Variants in ME1 observed in about 807,000 individuals in gnomAD.
The protein encoded by ME1 is malic enzyme 1.
ME1 carries 74 observed loss-of-function variants against 66.4 expected under a neutral mutation model. The ratio of observed to expected loss-of-function variants is 1.11; its 90% CI spans 0.92 to 1.35. ME1 has a LOEUF of 1.35. Among genes scored for constraint, ME1 ranks in the 40% most tolerant of loss-of-function variants. ME1 has a pLI of 0.00. For synonymous variants in ME1, 251 were observed against 235.6 expected (o/e 1.07, Z -0.60); for missense variants, 750 against 694.1 (o/e 1.08, Z -0.90).
At chr6:83,405,701 G>GT (rs1251931728) in intron 2 of ME1, among the ~76,000 whole-genome samples, 12 of 141,474 alleles carry the variant, frequency 8.5e-5, no homozygotes, top group Admixed American at 2.8e-4. Context: ...TTTATTGAGA[G>GT]TTTTTTTTGT....
chr6:83,381,180 C>A (rs1008846610), intron 3 of ME1, among the ~76,000 whole-genome samples: 1 of 151,908 alleles, frequency 6.6e-6, no homozygotes, highest in Admixed American at 6.6e-5. Context: ...CACTCCACCC[C>A]CACATTAATA....
At chr6:83,367,331 G>A (rs1769117165) in intron 3 of ME1, among the ~76,000 whole-genome samples, 1 of 152,082 alleles carries the variant, frequency 6.6e-6, no homozygotes, top group South Asian at 2.1e-4. Flanking sequence ...GTAGGTATTG[G>A]CTTCAACTTA....
rs188017394 is a variant in ME1, at chr6:83,409,413, T to C, written c.79-1512A>G. ...TAGTGGCTCTTGAGTACTTATAAAGTGTATTACTAGAGGGAAAGGAGAGAC... is the reference window on the plus strand; with the variant it reads ...TAGTGGCTCTTGAGTACTTATAAAGCGTATTACTAGAGGGAAAGGAGAGAC... On this transcript the variant is annotated intron_variant, in intron 1 of 13. Coordinates refer to ENST00000369705, the MANE Select transcript of ME1 (RefSeq NM_002395.6). Among the ~76,000 whole-genome samples, 16 of 152,230 alleles carry C rather than the reference T, an allele frequency of 1.1e-4. No homozygotes were observed. In the East Asian group the frequency reaches 3.1e-3, roughly 29 times the overall value.
rs1789901774 is a variant in ME1 at position 83,212,114 on chromosome 6, A to C, written c.1549-20T>G. 1 of 1,537,916 alleles carries C rather than the reference A, an allele frequency of 6.5e-7. No individual in the cohort carries two copies. On this transcript the variant is annotated intron_variant, in intron 13 of 13. Transcript: ENST00000369705. The stretch of plus-strand genomic sequence containing the variant: ...CACAATCTAGATATAAGAAAAGAAT[A>C]TTAATTATTTTAATAAATAGAGGTA...
intron 10 of ME1, 89 bp from the exon 11 acceptor site, chr6:83,227,566 G>A (rs960379831): frequency 8.8e-7 from 1 of 1,132,158 alleles, no homozygotes. Flanking sequence ...ATATCTATCA[G>A]CTCATTTTCT....
chr6:83,327,635 GC>G (rs1195808090), intron 5 of ME1, among the ~76,000 whole-genome samples: 1 of 152,120 alleles, frequency 6.6e-6, no homozygotes, highest in Admixed American at 6.5e-5. Context: ...TGACAATGGT[GC>G]CCGAAACTTC....
chr6:83,398,653 A>C, intron 2 of ME1, 137 bp from the exon 3 acceptor site: 1 of 512,660 alleles, frequency 2.0e-6, no homozygotes, highest in South Asian at 3.6e-5. Flanking sequence ...AAAAGACTTA[A>C]GAAATATTCT....
At chr6:83,243,565 T>C (rs1180220) in intron 7 of ME1, among the ~76,000 whole-genome samples, 1 of 56,138 alleles carries the variant, frequency 1.8e-5, no homozygotes, top group African/African-American at 1.2e-4. Context: ...ATCGATATAA[T>C]CTATTATAAT....
At chr6:83,285,530 G>A (rs1767380098) in intron 6 of ME1, among the ~76,000 whole-genome samples, 1 of 152,190 alleles carries the variant, frequency 6.6e-6, no homozygotes, top group South Asian at 2.1e-4. Context: ...AGAGAAGGAA[G>A]AAGGAGAAAG....
chr6:83,303,181 A>C (rs1767759444), intron 6 of ME1, among the ~76,000 whole-genome samples: 1 of 152,170 alleles, frequency 6.6e-6, no homozygotes, highest in South Asian at 2.1e-4. Context: ...ATCAGATGAT[A>C]CTGATACAGA....
At chr6:83,329,150 C>T (rs1181302710) in intron 5 of ME1, among the ~76,000 whole-genome samples, 4 of 152,002 alleles carry the variant, frequency 2.6e-5, no homozygotes, top group African/African-American at 7.3e-5. Flanking sequence ...TTTCTCATCA[C>T]AAAAGCAATA....
At chr6:83,377,370 C>G (rs1769314607) in intron 3 of ME1, among the ~76,000 whole-genome samples, 1 of 151,882 alleles carries the variant, frequency 6.6e-6, no homozygotes, top group Non-Finnish European at 1.5e-5. Flanking sequence ...GGAAACAGTT[C>G]TAAGAATTAA....
chr6:83,236,089 A>G (rs1790397483), intron 9 of ME1, among the ~76,000 whole-genome samples: 1 of 152,096 alleles, frequency 6.6e-6, no homozygotes, highest in Admixed American at 6.5e-5. Context: ...TTCACCTAAC[A>G]TTATATTATG....
At chr6:83,320,371 G>A (rs1768128119) in intron 5 of ME1, among the ~76,000 whole-genome samples, 1 of 152,200 alleles carries the variant, frequency 6.6e-6, no homozygotes, top group Admixed American at 6.5e-5. Context: ...CTGTCGTTGT[G>A]AAATTGTCTT....
In ME1 at chr6:83,311,912, T is replaced by C. The variant is rs73491340; in HGVS notation, c.704+3398A>G. On this transcript the variant is annotated intron_variant, in intron 6 of 13. Coordinates refer to ENST00000369705, the MANE Select transcript of ME1 (RefSeq NM_002395.6). ...AGGCAAAACGGAGAGCTAACAAAGC[T>C]ACTACTCAATATTTACTATCAAAAG... Among the ~76,000 whole-genome samples, 1,372 of 152,176 alleles carry C rather than the reference T, an allele frequency of 9.0e-3. 33 individuals are homozygous for C. Among genetic ancestry groups the C allele is most frequent in the African/African-American group, 0.031 (1,297 of 41,532 alleles).
At chr6:83,310,210 C>T (rs1767905270) in intron 6 of ME1, among the ~76,000 whole-genome samples, 1 of 152,152 alleles carries the variant, frequency 6.6e-6, no homozygotes, top group African/African-American at 2.4e-5. Flanking sequence ...GACCTATGCT[C>T]TTTCCCAGAG....
At chr6:83,390,394 T>C (rs927211548) in intron 3 of ME1, among the ~76,000 whole-genome samples, 14 of 152,338 alleles carry the variant, frequency 9.2e-5, no homozygotes, top group African/African-American at 3.1e-4. Context: ...TAAGGTTTAC[T>C]AGACACTTTT....
chr6:83,350,970 G>GC (rs1768789763), intron 4 of ME1, among the ~76,000 whole-genome samples: 1 of 4,612 alleles, frequency 2.2e-4, no homozygotes. Flanking sequence ...GGTGGAGAAA[G>GC]CAAAAAAAAA....
At chr6:83,223,286 G>A (rs193176979) in intron 12 of ME1, among the ~76,000 whole-genome samples, 11 of 152,078 alleles carry the variant, frequency 7.2e-5, no homozygotes, top group Admixed American at 2.6e-4. Flanking sequence ...CTTGAGTCAG[G>A]GGGGATCACA....
Sources: gnomAD v4.1 joint callset for allele counts (sites outside exome capture counted in the v4.1 genomes callset) on GRCh38, gnomAD v4.1.1 for gene constraint, MANE v1.5 for transcripts, NCBI Gene and HGNC (gene_info 2026-07-23, HGNC 2026-07-21) for gene names.